VANGL1: variants seen among roughly 807,000 people sequenced by gnomAD.
VANGL1 encodes the protein vang-like protein 1.
In VANGL1, 18 loss-of-function variants were observed where a neutral mutation model predicts 48.4. That is an observed-to-expected ratio of 0.37 (90% CI 0.26 to 0.55). The LOEUF is 0.55. Among genes scored for constraint, VANGL1 ranks in the 20% least tolerant of loss-of-function variants. VANGL1 has a pLI of 0.81. For synonymous variants in VANGL1, 257 were observed against 261.8 expected (o/e 0.98, Z 0.18); for missense variants, 667 against 675.8 (o/e 0.99, Z 0.14).
chr1:115,692,992 T>C lies in VANGL1; in HGVS notation c.*1613T>C, dbSNP rs947599857. On this transcript the variant is annotated 3_prime_UTR_variant, in exon 8 of 8. Coordinates refer to ENST00000355485, the MANE Select transcript of VANGL1 (RefSeq NM_138959.3). ...ACAAGTGGTACAGTATTTTGTGTCA[T>C]TGTAAAAATCAAAATTGGCTTTGGA... 1 of 152,204 alleles carries C rather than the reference T, an allele frequency of 6.6e-6. No individual in the cohort carries two copies. The highest frequency in any genetic ancestry group is 6.5e-5 in the Admixed American group (1 of 15,268). 9.4% of individuals were successfully genotyped at this position (152,204 alleles called of 1,614,324 possible).
chr1:115,660,322 G>A (rs1652498895), intron 3 of VANGL1, among the ~76,000 whole-genome samples: 1 of 152,192 alleles, frequency 6.6e-6, no homozygotes, highest in Admixed American at 6.5e-5. Context: ...GTAGTGTGGT[G>A]TGAAGGAGCC....
At chr1:115,662,370 G>A (rs144117787) in intron 3 of VANGL1, among the ~76,000 whole-genome samples, 69 of 152,282 alleles carry the variant, frequency 4.5e-4, no homozygotes, top group Middle Eastern at 3.4e-3. Flanking sequence ...TTCTTTCCGA[G>A]TGAAAGGATA....
In VANGL1 at chr1:115,651,645, C is replaced by T. The variant is rs114530176; in HGVS notation, c.71+161C>T. ...CATTTAACATTCTTGGGAGTAACTA[C>T]GTCACCAGTTTACATTTTATAGCCA... On this transcript the variant is annotated intron_variant, in intron 2 of 7. Coordinates refer to ENST00000355485, the MANE Select transcript of VANGL1 (RefSeq NM_138959.3). 1.0e-2 allele frequency among the ~76,000 whole-genome samples: 1,523 copies of T among 152,304 alleles called. 22 individuals are homozygous for T. Among genetic ancestry groups the T allele is most frequent in the African/African-American group, 0.035 (1,446 of 41,550 alleles).
In VANGL1 at chr1:115,693,053, A is replaced by G. The variant is rs530880333; in HGVS notation, c.*1674A>G. 6.6e-6 allele frequency: 1 copy of G among 152,396 alleles called. No homozygotes were observed. The highest frequency in any genetic ancestry group is 2.4e-5 in the African/African-American group (1 of 41,576). The allele number at this position is 152,396 out of a possible 1,614,324, so 9.4% of individuals were successfully genotyped here. ...ACACCTGTACCTGAAAAAGTAAACA[A>G]CATTCTTCAATTACTAGCCTTCAGC... On this transcript the variant is annotated 3_prime_UTR_variant, in exon 8 of 8. Coordinates refer to ENST00000355485, the MANE Select transcript of VANGL1 (RefSeq NM_138959.3).
At chr1:115,670,479 A>T (rs550616728) in intron 4 of VANGL1, among the ~76,000 whole-genome samples, 7 of 152,294 alleles carry the variant, frequency 4.6e-5, no homozygotes, top group African/African-American at 1.7e-4. Flanking sequence ...TGACAAAGGG[A>T]GAGTCTTCTA....
rs558634262 is a variant in VANGL1 at position 115,656,235 on chromosome 1, C to T, written c.72-3406C>T. On this transcript the variant is annotated intron_variant, in intron 2 of 7. Coordinates refer to ENST00000355485, the MANE Select transcript of VANGL1 (RefSeq NM_138959.3). ...TCCACTTCATACTATTTTAATAAAG[C>T]GGTGCTGTGTATTATAACATTGTGC... Among the ~76,000 whole-genome samples, 8 of 152,286 alleles carry T rather than the reference C, an allele frequency of 5.3e-5. No individual in the cohort carries two copies. The South Asian group carries it at 8.3e-4, about 16-fold the overall frequency.
intron 1 of VANGL1, among the ~76,000 whole-genome samples, chr1:115,645,342 C>T (rs1030803094): frequency 1.1e-4 from 17 of 152,188 alleles, no homozygotes; most frequent in African/African-American, 4.1e-4. Flanking sequence ...TTCAGTTCTT[C>T]CTAACTGAAG....
intron 4 of VANGL1, among the ~76,000 whole-genome samples, chr1:115,680,589 T>C (rs1653348159): frequency 6.6e-6 from 1 of 152,202 alleles, no homozygotes; most frequent in East Asian, 1.9e-4. Context: ...TCTAGGACGA[T>C]ATTAAGTACC....
chr1:115,680,597 A>G (rs925005395), intron 4 of VANGL1, among the ~76,000 whole-genome samples: 1 of 152,246 alleles, frequency 6.6e-6, no homozygotes, highest in African/African-American at 2.4e-5. Context: ...GATATTAAGT[A>G]CCAACTGAAT....
Position 115,666,684 on chromosome 1 carries a change from C to T in VANGL1, c.812+2416C>T, listed in dbSNP as rs80172254. On this transcript the variant is annotated intron_variant, in intron 4 of 7. Transcript: ENST00000355485. ...GAGGTGGTCCCCAGCCTCATCCTTT[C>T]GGCTTCTTTTTAGGACCATTGGTGT... Among the ~76,000 whole-genome samples, 963 of 152,300 alleles carry T rather than the reference C, an allele frequency of 6.3e-3. 12 individuals are homozygous for T. The highest frequency in any genetic ancestry group is 0.021 in the African/African-American group (891 of 41,566).
chr1:115,651,336 G>A lies in VANGL1; in HGVS notation c.-78G>A. On this transcript the variant is annotated 5_prime_UTR_variant, in exon 2 of 8. Coordinates refer to ENST00000355485, the MANE Select transcript of VANGL1 (RefSeq NM_138959.3). Reference sequence around the variant, plus strand: ...ATTTCCAGACTCCTTGAGGTTTTAGGAGTCTGGTAGGTGAAATTTTCTACC... The same window carrying A: ...ATTTCCAGACTCCTTGAGGTTTTAGAAGTCTGGTAGGTGAAATTTTCTACC... 7 of 1,296,702 alleles carry A rather than the reference G, an allele frequency of 5.4e-6. No individual in the cohort carries two copies. Among genetic ancestry groups the A allele is most frequent in the Non-Finnish European group, 6.6e-6 (6 of 903,398 alleles). 80.3% of individuals were successfully genotyped at this position (1,296,702 alleles called of 1,614,324 possible).
chr1:115,667,742 C>T (rs924462894), intron 4 of VANGL1, among the ~76,000 whole-genome samples: 1 of 152,190 alleles, frequency 6.6e-6, no homozygotes, highest in Admixed American at 6.5e-5. Flanking sequence ...GCTAACTTTT[C>T]CAGGATGTTA....
intron 2 of VANGL1, 66 bp downstream of exon 2, chr1:115,651,550 A>C (rs953708395): frequency 7.0e-7 from 1 of 1,430,716 alleles, no homozygotes; most frequent in Non-Finnish European, 9.8e-7. Context: ...GGGGTTCTCT[A>C]CACTCACTTT....
In VANGL1 at chr1:115,692,048, C is replaced by T. The variant is rs1018179336; in HGVS notation, c.*669C>T. ...CCTCTGCTGGCTTGAAGCAGGTAAC[C>T]CTTTCCCAGCCCTGCAGCTGCCCAC... On this transcript the variant is annotated 3_prime_UTR_variant, in exon 8 of 8. Coordinates refer to ENST00000355485, the MANE Select transcript of VANGL1 (RefSeq NM_138959.3). 1 of 153,250 alleles carries T rather than the reference C, an allele frequency of 6.5e-6. No individual in the cohort carries two copies. Among genetic ancestry groups the T allele is most frequent in the Non-Finnish European group, 1.5e-5 (1 of 68,524 alleles). 9.5% of individuals were successfully genotyped at this position (153,250 alleles called of 1,614,324 possible).
chr1:115,663,699 C>T lies in VANGL1; in HGVS notation c.243C>T (p.Gly81=), dbSNP rs1316266144. 6.2e-7 allele frequency: 1 copy of T among 1,614,204 alleles called. No individual in the cohort carries two copies. The highest frequency in any genetic ancestry group is 2.2e-5 in the East Asian group (1 of 44,870). ...NWGETTTAIT[G]TSEHSISQED... is the part of the protein sequence containing the mutation. ...GAGAGACCACCACGGCCATCACAGG[C>T]ACCTCGGAGCACAGCATATCCCAAG... Residue 81 remains glycine (G), a synonymous_variant, in exon 4 of 8, where the codon GGC becomes GGT. Transcript: ENST00000355485.
intron 4 of VANGL1, among the ~76,000 whole-genome samples, chr1:115,676,500 T>C (rs1653172155): frequency 6.6e-6 from 1 of 152,210 alleles, no homozygotes; most frequent in Admixed American, 6.5e-5. Flanking sequence ...TCGTGGTGGC[T>C]ATCGTTTATG....
At chr1:115,658,382 T>G (rs1343404535) in intron 2 of VANGL1, among the ~76,000 whole-genome samples, 1 of 152,268 alleles carries the variant, frequency 6.6e-6, no homozygotes, top group Non-Finnish European at 1.5e-5. Context: ...TCTTTGACAC[T>G]GGCTAATAGT....
At chr1:115,681,009 C>T (rs1216330737) in intron 4 of VANGL1, among the ~76,000 whole-genome samples, 1 of 152,218 alleles carries the variant, frequency 6.6e-6, no homozygotes, top group Non-Finnish European at 1.5e-5. Context: ...TACGCTGTTA[C>T]ACAGAGTCCG....
Position 115,690,466 on chromosome 1 carries a change from C to T in VANGL1, c.1315-653C>T, listed in dbSNP as rs1466868760. ...AGGCCTGGGCATCCCCTGGACTGGC[C>T]ATGTGCACACTTAGCCCAACATGGA... On this transcript the variant is annotated intron_variant, in intron 7 of 7. Coordinates refer to ENST00000355485, the MANE Select transcript of VANGL1 (RefSeq NM_138959.3). Among the ~76,000 whole-genome samples the T allele has an allele frequency of 3.3e-5, 5 of 152,228 alleles. No homozygotes were observed. The East Asian group carries it at 9.6e-4, about 29-fold the overall frequency.
Sources: allele counts gnomAD v4.1 joint callset (sites outside exome capture counted in the v4.1 genomes callset), GRCh38; gene constraint gnomAD v4.1.1; transcripts MANE v1.5; gene names NCBI Gene and HGNC (gene_info 2026-07-23, HGNC 2026-07-21).